TFCP2: variants seen among roughly 807,000 people sequenced by gnomAD.
The protein encoded by TFCP2 is alpha-globin transcription factor CP2.
Under a neutral mutation model 73.4 loss-of-function variants are expected in TFCP2, and 33 were observed. That is an observed-to-expected ratio of 0.45 (90% CI 0.34 to 0.60). TFCP2 has a LOEUF of 0.60. Ranked by LOEUF, TFCP2 falls within the 20% of genes least tolerant of loss-of-function variation. The pLI, the probability that TFCP2 is intolerant of heterozygous loss-of-function variation, is 0.01. For missense variants in TFCP2, 352 were observed against 604.0 expected, an observed-to-expected ratio of 0.58 and a Z score of 4.37; for synonymous variants, 193 against 211.6, an observed-to-expected ratio of 0.91 and a Z score of 0.76.
At chr12:51,171,693 ATC>A (rs1184888379) in intron 1 of TFCP2, among the ~76,000 whole-genome samples, 4 of 152,316 alleles carry the variant, frequency 2.6e-5, no homozygotes, top group African/African-American at 9.6e-5. Context: ...GAGATTTTTC[ATC>A]TGTTATCAAC....
chr12:51,141,647 C>T (rs1422230793), intron 1 of TFCP2, among the ~76,000 whole-genome samples: 1 of 151,914 alleles, frequency 6.6e-6, no homozygotes, highest in Non-Finnish European at 1.5e-5. Flanking sequence ...CACTTGTAAT[C>T]CCAGCACTTT....
intron 1 of TFCP2, among the ~76,000 whole-genome samples, chr12:51,156,582 AG>A (rs775063896): frequency 9.2e-5 from 14 of 152,190 alleles, no homozygotes; most frequent in Non-Finnish European, 1.8e-4. Flanking sequence ...AGAATGAATT[AG>A]TGAGTGTTCT....
At chr12:51,120,177 C>CAAAAAAAA (rs33982936) in intron 1 of TFCP2, among the ~76,000 whole-genome samples, 4 of 57,266 alleles carry the variant, frequency 7.0e-5, no homozygotes, top group Non-Finnish European at 9.1e-5. Flanking sequence ...GACTCTGTCT[C>CAAAAAAAA]AAAAAAAAAA....
chr12:51,101,198 G>A (rs370159546), intron 11 of TFCP2, among the ~76,000 whole-genome samples: 2 of 152,100 alleles, frequency 1.3e-5, no homozygotes, highest in Admixed American at 1.3e-4. Flanking sequence ...CCAGCTACTC[G>A]GGAGGCTGAG....
chr12:51,159,985 A>G (rs1941614994), intron 1 of TFCP2, among the ~76,000 whole-genome samples: 2 of 152,130 alleles, frequency 1.3e-5, no homozygotes, highest in Admixed American at 6.6e-5. Flanking sequence ...ATTGCAGTTA[A>G]TTCCTCACAG....
chr12:51,104,937 C>T (rs1359289805), intron 8 of TFCP2, among the ~76,000 whole-genome samples: 2 of 151,980 alleles, frequency 1.3e-5, no homozygotes, highest in African/African-American at 4.8e-5. Context: ...TGGTCTCGAT[C>T]TCCTGACCTT....
intron 1 of TFCP2, among the ~76,000 whole-genome samples, chr12:51,165,596 T>C (rs1478417046): frequency 6.6e-6 from 1 of 152,130 alleles, no homozygotes; most frequent in Non-Finnish European, 1.5e-5. Flanking sequence ...TGCCAGAGGC[T>C]GGAGTGGGGG....
At chr12:51,132,705 T>G (rs1940976690) in intron 1 of TFCP2, among the ~76,000 whole-genome samples, 1 of 152,166 alleles carries the variant, frequency 6.6e-6, no homozygotes, top group African/African-American at 2.4e-5. Flanking sequence ...AGCTTTTACC[T>G]TTGCACTTTT....
At chr12:51,141,905 CAA>C (rs34943578) in intron 1 of TFCP2, among the ~76,000 whole-genome samples, 6 of 63,500 alleles carry the variant, frequency 9.4e-5, no homozygotes, top group Admixed American at 3.8e-4. Flanking sequence ...GACTCTGTCT[CAA>C]AAAAAAAAAA....
intron 13 of TFCP2, 136 bp downstream of exon 13, chr12:51,098,640 A>G: frequency 1.0e-6 from 1 of 985,792 alleles, no homozygotes; most frequent in Non-Finnish European, 1.4e-6. Flanking sequence ...AAAAAAAATT[A>G]GGAGGAAAGC....
At chr12:51,166,522 CCCTCAA>C (rs1941761482) in intron 1 of TFCP2, among the ~76,000 whole-genome samples, 1 of 151,976 alleles carries the variant, frequency 6.6e-6, no homozygotes, top group African/African-American at 2.4e-5. Flanking sequence ...GACCACCAAT[CCCTCAA>C]CTGGACCTGC....
rs562773423 is a variant in TFCP2, at chr12:51,116,456, C to T, written c.352-36G>A. 5.7e-5 allele frequency: 70 copies of T among 1,225,210 alleles called. 2 individuals carry two copies. The South Asian group carries it at 9.9e-4, about 17-fold the overall frequency. 75.9% of individuals were successfully genotyped at this position (1,225,210 alleles called of 1,614,324 possible). On this transcript the variant is annotated intron_variant, in intron 3 of 14. Coordinates refer to ENST00000257915, the MANE Select transcript of TFCP2 (RefSeq NM_005653.5). ...ACAACAAAATCAGATGATAACAAGA[C>T]CTCTTGAAAATCAGTGCTGACAAAG...
Position 51,099,782 on chromosome 12 carries a change from A to G in TFCP2, c.1152-3T>C. Reference sequence around the variant, plus strand: ...TGGTTAACCTTGGACGCACCATCCTAAGGGGAGGAAAAAGGCTAATTAGTC... The same window carrying G: ...TGGTTAACCTTGGACGCACCATCCTGAGGGGAGGAAAAAGGCTAATTAGTC... On this transcript the variant is annotated splice_polypyrimidine_tract_variant and splice_region_variant and intron_variant, in intron 11 of 14. Coordinates refer to ENST00000257915, the MANE Select transcript of TFCP2 (RefSeq NM_005653.5). The G allele has an allele frequency of 6.2e-7, 1 of 1,613,420 alleles. No individual in the cohort carries two copies. The highest frequency in any genetic ancestry group is 8.5e-7 in the Non-Finnish European group (1 of 1,179,494).
intron 6 of TFCP2, among the ~76,000 whole-genome samples, chr12:51,108,563 C>T (rs1406370505): frequency 6.6e-6 from 1 of 152,000 alleles, no homozygotes; most frequent in Non-Finnish European, 1.5e-5. Context: ...AACTTAAGCC[C>T]GGGAGTTCAA....
Position 51,094,687 on chromosome 12 carries a change from T to C in TFCP2, c.*554A>G, listed in dbSNP as rs148478321. Reference sequence around the variant, plus strand: ...CACTGCCTGGTCAATAAATGTTAGCTGAAAATACTATTAGTTGTGGTATTA... The same window carrying C: ...CACTGCCTGGTCAATAAATGTTAGCCGAAAATACTATTAGTTGTGGTATTA... On this transcript the variant is annotated 3_prime_UTR_variant, in exon 15 of 15. Transcript: ENST00000257915. 256 of 152,846 alleles carry C rather than the reference T, an allele frequency of 1.7e-3. 1 individual carries two copies. The highest frequency in any genetic ancestry group is 7.9e-3 in the East Asian group (41 of 5,202). 9.5% of individuals were successfully genotyped at this position (152,846 alleles called of 1,614,324 possible). A position where few individuals can be genotyped will look rare whatever the true frequency, so the allele number is the denominator to read the frequency against.
rs1939919662 is a variant in TFCP2 at position 51,094,972 on chromosome 12, G to A, written c.*269C>T. 1 of 490,960 alleles carries A rather than the reference G, an allele frequency of 2.0e-6. No individual in the cohort carries two copies. The highest frequency in any genetic ancestry group is 3.3e-5 in the South Asian group (1 of 30,404). The allele number at this position is 490,960 out of a possible 1,614,324, so 30.4% of individuals were successfully genotyped here. On this transcript the variant is annotated 3_prime_UTR_variant, in exon 15 of 15. Transcript: ENST00000257915. The stretch of plus-strand genomic sequence containing the variant: ...CTACATACACTCTAAATTATGTAGA[G>A]TTTCTACTGATATTTAACAACAACA...
Position 51,108,285 on chromosome 12 carries a change from C to CA in TFCP2, c.717+835dup, listed in dbSNP as rs564013768. Among the ~76,000 whole-genome samples, 321 of 120,374 alleles carry CA rather than the reference C, an allele frequency of 2.7e-3. 2 individuals carry two copies. The highest frequency in any genetic ancestry group is 0.016 in the South Asian group (61 of 3,860). The allele number at this position is 120,374 out of a possible 152,430, so 79.0% of individuals were successfully genotyped here. A position where few individuals can be genotyped will look rare whatever the true frequency, so the allele number is the denominator to read the frequency against. ...TGGGTGACAGAGTGAAACTCCGACT[C>CA]AAAAAAAAAAAAGAAGAGGGAAGTA... is the stretch of plus-strand genomic sequence containing the variant. On this transcript the variant is annotated intron_variant, in intron 6 of 14. Transcript: ENST00000257915.
chr12:51,101,596 C>G (rs754539984), intron 11 of TFCP2, among the ~76,000 whole-genome samples: 20 of 152,078 alleles, frequency 1.3e-4, no homozygotes, highest in Middle Eastern at 3.2e-3. Context: ...TATCTTACTC[C>G]CCATTAGAAA....
At chr12:51,126,232 CAA>C (rs371407608) in intron 1 of TFCP2, among the ~76,000 whole-genome samples, 1 of 87,756 alleles carries the variant, frequency 1.1e-5, no homozygotes, top group Non-Finnish European at 2.1e-5. Flanking sequence ...GACTCTGTCT[CAA>C]AAAAAAAAAA....
Sources: gnomAD v4.1 joint callset for allele counts (sites outside exome capture counted in the v4.1 genomes callset) on GRCh38, gnomAD v4.1.1 for gene constraint, MANE v1.5 for transcripts, NCBI Gene and HGNC (gene_info 2026-07-23, HGNC 2026-07-21) for gene names.